The following CCR8 variants were observed in gnomAD, a reference collection of about 807,000 sequenced individuals.
CCR8 encodes the protein C-C motif chemokine receptor 8.
For missense variants in CCR8, 358 were observed against 417.5 expected (o/e 0.86, Z 1.24); for synonymous variants, 156 against 165.7 (o/e 0.94, Z 0.45).
chr3:39,329,860 G>C (rs1295878030), intron 1 of CCR8, 31 bp downstream of exon 1: 1 of 152,260 alleles, frequency 6.6e-6, no homozygotes, highest in Non-Finnish European at 1.5e-5. Flanking sequence ...TGGGGAAGAA[G>C]GGCATGAGTA....
Position 39,332,340 on chromosome 3 carries a change from T to C in CCR8, c.9T>C (p.Tyr3=). ...CAGGTCCCGCTGCCTTGATGGATTA[T>C]ACACTTGACCTCAGTGTGACAACAG... MD[Y]TLDLSVTTVT... Residue 3 remains tyrosine, a synonymous_variant, in exon 2 of 2, where the codon TAT becomes TAC. Transcript: ENST00000326306. The C allele has an allele frequency of 1.2e-6, 2 of 1,609,612 alleles. No homozygotes were observed. Among genetic ancestry groups the C allele is most frequent in the East Asian group, 2.2e-5 (1 of 44,852 alleles).
At chr3:39,331,812 T>TA (rs1216614900) in intron 1 of CCR8, among the ~76,000 whole-genome samples, 1 of 109,664 alleles carries the variant, frequency 9.1e-6, no homozygotes, top group African/African-American at 2.8e-5. Flanking sequence ...TTTTTTTTTT[T>TA]AATTTTAATT....
At chr3:39,329,893 T>C (rs1389992162) in intron 1 of CCR8, 64 bp downstream of exon 1, 3 of 152,216 alleles carry the variant, frequency 2.0e-5, no homozygotes, top group Non-Finnish European at 4.4e-5. Flanking sequence ...TTTATATCTT[T>C]AGAGGATAGG....
In CCR8 at chr3:39,332,814, C is replaced by T. The variant is rs764072650; in HGVS notation, c.483C>T (p.Ala161=). 2 of 1,614,060 alleles carry T rather than the reference C, an allele frequency of 1.2e-6. No individual in the cohort carries two copies. The highest frequency in any genetic ancestry group is 1.7e-6 in the Non-Finnish European group (2 of 1,180,024). ...TGTGCCTGGCAGTATGGCTAACCGC[C>T]ATTATGGCTACCATCCCATTGCTAG... ...TTLCLAVWLT[A]IMATIPLLVF... is the part of the protein sequence containing the mutation. Residue 161 remains alanine, a synonymous_variant, in exon 2 of 2, where the codon GCC becomes GCT. Coordinates refer to ENST00000326306, the MANE Select transcript of CCR8 (RefSeq NM_005201.4).
At position 39,333,045 on chromosome 3, in the gene CCR8, G is replaced by T; in HGVS notation, c.714G>T (p.Arg238Ser). ...CQNHNKTKAI[R>S]LVLIVVIASL... ...ACCACAACAAGACCAAGGCCATCAG[G>T]TTGGTGCTCATTGTGGTCATTGCAT... The change falls in exon 2 of 2, where the codon AGG becomes AGT. Residue 238 changes from arginine to serine, a missense_variant. By Grantham distance (110) the Arg-to-Ser change is moderately radical. Coordinates refer to ENST00000326306, the MANE Select transcript of CCR8 (RefSeq NM_005201.4). 1.9e-6 allele frequency: 3 copies of T among 1,614,084 alleles called. No homozygotes were observed. The highest frequency in any genetic ancestry group is 2.5e-6 in the Non-Finnish European group (3 of 1,179,978).
At chr3:39,330,805 T>C (rs1359642409) in intron 1 of CCR8, among the ~76,000 whole-genome samples, 1 of 152,168 alleles carries the variant, frequency 6.6e-6, no homozygotes, top group Non-Finnish European at 1.5e-5. Context: ...AAACAATATA[T>C]CATTTATGTA....
Position 39,332,841 on chromosome 3 carries a change from G to A in CCR8, c.510G>A (p.Val170=). 6.2e-7 allele frequency: 1 copy of A among 1,614,162 alleles called. No individual in the cohort carries two copies. The highest frequency in any genetic ancestry group is 8.5e-7 in the Non-Finnish European group (1 of 1,180,008). ...TAIMATIPLL[V]FYQVASEDGV... ...TTATGGCTACCATCCCATTGCTAGT[G>A]TTTTACCAAGTGGCCTCTGAAGATG... The change falls in exon 2 of 2, where the codon GTG becomes GTA. Residue 170 remains valine (V), a synonymous_variant. Transcript: ENST00000326306.
chr3:39,332,198 T>C (rs111787381), intron 1 of CCR8, 120 bp from the exon 2 acceptor site: 13 of 634,812 alleles, frequency 2.0e-5, no homozygotes, highest in Non-Finnish European at 3.6e-5. Context: ...ACACCGGAGG[T>C]TGAGCACTTC....
Position 39,332,442 on chromosome 3 carries a change from C to T in CCR8, c.111C>T (p.Leu37=). 3.1e-6 allele frequency: 5 copies of T among 1,613,950 alleles called. No individual in the cohort carries two copies. The highest frequency in any genetic ancestry group is 4.2e-6 in the Non-Finnish European group (5 of 1,179,888). Residue 37 remains leucine (L), a synonymous_variant, in exon 2 of 2, where the codon CTC becomes CTT. Transcript: ENST00000326306. ...AELIQTNGKL[L]LAVFYCLLFV... is the part of the protein sequence containing the mutation. ...TTATTCAGACAAATGGCAAGTTGCTCCTTGCTGTCTTTTATTGCCTCCTGT... is the reference window on the plus strand; with the variant it reads ...TTATTCAGACAAATGGCAAGTTGCTTCTTGCTGTCTTTTATTGCCTCCTGT...
rs574173549 is a variant in CCR8, at chr3:39,333,590, A to G, written c.*191A>G. ...TGCCTGGCACAACATCAAGCCTGTG[A>G]TTGTGTTTATTGATGATGTTGAACA... On this transcript the variant is annotated 3_prime_UTR_variant, in exon 2 of 2. Transcript: ENST00000326306. 1 of 586,634 alleles carries G rather than the reference A, an allele frequency of 1.7e-6. No homozygotes were observed. Among genetic ancestry groups the G allele is most frequent in the Non-Finnish European group, 3.1e-6 (1 of 324,420 alleles). 36.3% of individuals were successfully genotyped at this position (586,634 alleles called of 1,614,324 possible). A position where few individuals can be genotyped will look rare whatever the true frequency, so the allele number is the denominator to read the frequency against.
chr3:39,333,056 T>C lies in CCR8; in HGVS notation c.725T>C (p.Ile242Thr). ...NKTKAIRLVL[I>T]VVIASLLFWV... ...ACCAAGGCCATCAGGTTGGTGCTCA[T>C]TGTGGTCATTGCATCTTTACTTTTC... The change falls in exon 2 of 2, where the codon ATT (isoleucine) becomes ACT (threonine). Residue 242 changes from isoleucine to threonine, a missense_variant. Transcript: ENST00000326306. 4 of 1,614,128 alleles carry C rather than the reference T, an allele frequency of 2.5e-6. No individual in the cohort carries two copies. The highest frequency in any genetic ancestry group is 2.2e-5 in the East Asian group (1 of 44,856).
rs2041263408 is a variant in CCR8, at chr3:39,332,378, A to G, written c.47A>G (p.Tyr16Cys). 1 of 1,613,968 alleles carries G rather than the reference A, an allele frequency of 6.2e-7. No homozygotes were observed. ...DLSVTTVTDY[Y>C]YPDIFSSPCD... is the part of the protein sequence containing the mutation. ...AGTGTGACAACAGTGACCGACTACT[A>G]CTACCCTGATATCTTCTCAAGCCCC... Residue 16 changes from tyrosine (Y) to cysteine (C), a missense_variant, in exon 2 of 2, where the codon TAC (tyrosine) becomes TGC (cysteine). Transcript: ENST00000326306.
rs1334495257 is a variant in CCR8, at chr3:39,333,328, G to A, written c.997G>A (p.Glu333Lys). The A allele has an allele frequency of 7.4e-6, 12 of 1,613,932 alleles. No individual in the cohort carries two copies. Among genetic ancestry groups the A allele is most frequent in the East Asian group, 4.5e-5 (2 of 44,888 alleles). ...CTACCTAGGAAGACAAATGCCTAGGGAGAGCTGTGAAAAGTCATCATCCTG... is the reference window on the plus strand; with the variant it reads ...CTACCTAGGAAGACAAATGCCTAGGAAGAGCTGTGAAAAGTCATCATCCTG... Reference protein sequence around the residue: ...FNYLGRQMPRESCEKSSSCQQ... With the variant: ...FNYLGRQMPRKSCEKSSSCQQ... The change falls in exon 2 of 2, where the codon GAG becomes AAG. Residue 333 changes from glutamate to lysine, a missense_variant. By Grantham distance (56) the Glu-to-Lys change is moderately conservative. Coordinates refer to ENST00000326306, the MANE Select transcript of CCR8 (RefSeq NM_005201.4).
rs769378560 is a variant in CCR8, at chr3:39,333,420, T to TA, written c.*27dup. 2 of 1,563,474 alleles carry TA rather than the reference T, an allele frequency of 1.3e-6. No individual in the cohort carries two copies. The highest frequency in any genetic ancestry group is 2.3e-5 in the South Asian group (2 of 85,352). ...TGTGAGGATCAATGAAGACTAAATA[T>TA]AAAAAACATTTTCTTGAATGGCATG... On this transcript the variant is annotated 3_prime_UTR_variant, in exon 2 of 2. Coordinates refer to ENST00000326306, the MANE Select transcript of CCR8 (RefSeq NM_005201.4).
Position 39,332,777 on chromosome 3 carries a change from TG to T in CCR8, c.449del (p.Gly150AlafsTer10). ...VYALKVRTIR[M>X]GTTLCLAVWL... is the part of the protein sequence containing the mutation. ...GCCCTAAAGGTGAGGACGATCAGGA[TG>T]GGCACAACGCTGTGCCTGGCAGTAT... On this transcript the variant is annotated frameshift_variant, in exon 2 of 2. Coordinates refer to ENST00000326306, the MANE Select transcript of CCR8 (RefSeq NM_005201.4). LOFTEE classifies it low-confidence loss of function (END_TRUNC). 13 of 1,614,184 alleles carry T rather than the reference TG, an allele frequency of 8.1e-6. No homozygotes were observed. Among genetic ancestry groups the T allele is most frequent in the Non-Finnish European group, 1.0e-5 (12 of 1,180,022 alleles).
intron 1 of CCR8, 131 bp from the exon 2 acceptor site, chr3:39,332,187 C>T: frequency 1.6e-6 from 1 of 620,610 alleles, no homozygotes. Flanking sequence ...TAGTCACACC[C>T]ACACCGGAGG....
At position 39,333,353 on chromosome 3, in the gene CCR8, G is replaced by T; in HGVS notation, c.1022G>T (p.Cys341Phe). ...GAGAGCTGTGAAAAGTCATCATCCT[G>T]CCAGCAGCACTCCTCCCGTTCCTCC... ...PRESCEKSSS[C>F]QQHSSRSSSV... Residue 341 changes from cysteine (C) to phenylalanine (F), a missense_variant, in exon 2 of 2, where the codon TGC (cysteine) becomes TTC (phenylalanine). By Grantham distance (205) the Cys-to-Phe change is radical. Coordinates refer to ENST00000326306, the MANE Select transcript of CCR8 (RefSeq NM_005201.4). The T allele has an allele frequency of 6.2e-7, 1 of 1,613,940 alleles. No individual in the cohort carries two copies. Among genetic ancestry groups the T allele is most frequent in the Non-Finnish European group, 8.5e-7 (1 of 1,179,932 alleles).
intron 1 of CCR8, 148 bp downstream of exon 1, chr3:39,329,977 G>A (rs2041244672): frequency 6.6e-6 from 1 of 152,198 alleles, no homozygotes; most frequent in East Asian, 1.9e-4. Flanking sequence ...CATTTCCTCA[G>A]AGCCCACAAA....
At chr3:39,331,068 GA>G (rs200074532) in intron 1 of CCR8, among the ~76,000 whole-genome samples, 1 of 147,268 alleles carries the variant, frequency 6.8e-6, no homozygotes, top group Non-Finnish European at 1.5e-5. Flanking sequence ...AGGAAGGAAG[GA>G]AAAAAAAATA....
Sources: allele counts gnomAD v4.1 joint callset (sites outside exome capture counted in the v4.1 genomes callset), GRCh38; gene constraint gnomAD v4.1.1; transcripts MANE v1.5; gene names NCBI Gene and HGNC (gene_info 2026-07-23, HGNC 2026-07-21).